Variants in DMGDH observed in about 807,000 individuals in gnomAD.
DMGDH encodes dimethylglycine dehydrogenase, also known as dimethylglycine dehydrogenase, mitochondrial.
In DMGDH, 76 loss-of-function variants were observed where a neutral mutation model predicts 95.2. The observed-to-expected ratio is 0.80, with a 90% CI of 0.66 to 0.97. DMGDH has a LOEUF of 0.97. Ranked by LOEUF, DMGDH falls within the 50% of genes least tolerant of loss-of-function variation. The probability of loss-of-function intolerance (pLI) is 0.00; values close to 1 mark genes in which losing one functional copy is unlikely to be tolerated. For synonymous variants in DMGDH, 345 were observed against 377.6 expected (o/e 0.91, Z 1.00); for missense variants, 987 against 1,055.0 (o/e 0.94, Z 0.89).
intron 7 of DMGDH, among the ~76,000 whole-genome samples, chr5:79,039,966 T>C (rs531766054): frequency 6.1e-4 from 88 of 143,462 alleles, no homozygotes; most frequent in African/African-American, 2.1e-3. Flanking sequence ...CATTTTGTCC[T>C]ATGTATCTCT....
chr5:79,012,203 C>T (rs1386874638), intron 14 of DMGDH, among the ~76,000 whole-genome samples: 1 of 152,096 alleles, frequency 6.6e-6, no homozygotes, highest in African/African-American at 2.4e-5. Context: ...AAACATCAGC[C>T]AAAAGAAAGG....
At chr5:79,051,735 AC>A (rs1754870631) in intron 4 of DMGDH, among the ~76,000 whole-genome samples, 2 of 152,184 alleles carry the variant, frequency 1.3e-5, no homozygotes, top group African/African-American at 2.4e-5. Flanking sequence ...ACATTTGAAG[AC>A]AAATCTAATT....
At chr5:79,062,505 G>A (rs1427363826) in intron 2 of DMGDH, among the ~76,000 whole-genome samples, 2 of 151,386 alleles carry the variant, frequency 1.3e-5, no homozygotes, top group Admixed American at 6.6e-5. Flanking sequence ...AGGGGCTAAC[G>A]CTGCCCAAAA....
intron 12 of DMGDH, among the ~76,000 whole-genome samples, chr5:79,027,051 G>C (rs1165175116): frequency 6.6e-6 from 1 of 152,158 alleles, no homozygotes; most frequent in Non-Finnish European, 1.5e-5. Context: ...TAGTGAGAAA[G>C]CCATAGTCTC....
At chr5:79,047,588 C>T (rs1580217764) in intron 5 of DMGDH, among the ~76,000 whole-genome samples, 1 of 152,072 alleles carries the variant, frequency 6.6e-6, no homozygotes, top group African/African-American at 2.4e-5. Context: ...ATCATAATAA[C>T]TAGTACCTGC....
At chr5:79,003,643 T>C (rs938553173) in intron 15 of DMGDH, among the ~76,000 whole-genome samples, 3 of 152,136 alleles carry the variant, frequency 2.0e-5, no homozygotes, top group African/African-American at 7.2e-5. Context: ...TGCACAAGAA[T>C]GTGGGCATAG....
intron 10 of DMGDH, 161 bp downstream of exon 10, chr5:79,030,668 AAAAG>A: frequency 1.4e-6 from 1 of 713,658 alleles, no homozygotes; most frequent in Non-Finnish European, 2.2e-6. Context: ...AAAAAAAAAG[AAAAG>A]AAAAAAAGAA....
At chr5:79,006,619 C>T (rs1466958405) in intron 14 of DMGDH, among the ~76,000 whole-genome samples, 1 of 152,154 alleles carries the variant, frequency 6.6e-6, no homozygotes, top group Non-Finnish European at 1.5e-5. Flanking sequence ...CCAAACAGTT[C>T]CCACAGACAG....
At chr5:79,032,650 C>T (rs756216292) in intron 9 of DMGDH, 37 bp downstream of exon 9, 29 of 1,613,734 alleles carry the variant, frequency 1.8e-5, no homozygotes, top group South Asian at 1.1e-4. Context: ...TTTCACCCCT[C>T]GGTCAGAACC....
intron 7 of DMGDH, among the ~76,000 whole-genome samples, chr5:79,037,836 G>A (rs903961392): frequency 3.3e-5 from 5 of 152,106 alleles, no homozygotes; most frequent in Non-Finnish European, 5.9e-5. Flanking sequence ...ATATCAAAGA[G>A]AATAAAATAC....
chr5:79,017,818 A>G (rs891752951), intron 14 of DMGDH, among the ~76,000 whole-genome samples: 1 of 152,170 alleles, frequency 6.6e-6, no homozygotes, highest in Non-Finnish European at 1.5e-5. Flanking sequence ...GCAGGATGCA[A>G]AACCCAACTT....
intron 7 of DMGDH, among the ~76,000 whole-genome samples, chr5:79,038,343 G>T (rs1196998648): frequency 1.3e-5 from 2 of 152,064 alleles, no homozygotes; most frequent in Non-Finnish European, 2.9e-5. Context: ...AATTATCCAG[G>T]TATGGTGGAG....
intron 14 of DMGDH, among the ~76,000 whole-genome samples, chr5:79,008,395 T>C (rs530775682): frequency 4.6e-5 from 7 of 152,228 alleles, no homozygotes; most frequent in Non-Finnish European, 7.3e-5. Context: ...ATACTGGATT[T>C]GGAGTCCAAG....
At chr5:79,006,052 CTT>C (rs35854183) in intron 14 of DMGDH, among the ~76,000 whole-genome samples, 3 of 142,776 alleles carry the variant, frequency 2.1e-5, no homozygotes, top group African/African-American at 2.6e-5. Flanking sequence ...GCTTTTCAAC[CTT>C]TTTTTTTTTT....
At chr5:79,064,808 G>A (rs1580235563) in intron 1 of DMGDH, among the ~76,000 whole-genome samples, 1 of 151,974 alleles carries the variant, frequency 6.6e-6, no homozygotes, top group Middle Eastern at 3.4e-3. Context: ...AGAGTACAGT[G>A]GCTTGATCTT....
Position 79,024,294 on chromosome 5 carries a change from C to A in DMGDH, c.2227G>T (p.Glu743Ter), listed in dbSNP as rs752187238. The A allele has an allele frequency of 1.9e-6, 3 of 1,613,466 alleles. No individual in the cohort carries two copies. Among genetic ancestry groups the A allele is most frequent in the African/African-American group, 1.3e-5 (1 of 74,906 alleles). ...CDTNPLEAGL[E>*]YFVKLNKPAD... The stretch of plus-strand genomic sequence containing the variant: ...ACCTTATTTAACTTCACAAAATATT[C>A]CAGTCCAGCTTCCAAAGGATTTGTA... Residue 743 changes from glutamate (E) to a stop codon, truncating the protein, a stop_gained, in exon 14 of 16, where the codon GAA becomes TAA. Coordinates refer to ENST00000255189, the MANE Select transcript of DMGDH (RefSeq NM_013391.3). LOFTEE classifies it high-confidence loss of function.
rs1436292777 is a variant in DMGDH, at chr5:79,044,359, T to A, written c.939A>T (p.Glu313Asp). ...CCTGAACTTTCATTTTCTCTTGACT[T>A]TCATATGGACCAAACAAAAGCCCAT... ...ERDGLLFGPYESQEKMKVQDS... is the reference protein window; with the variant it reads ...ERDGLLFGPYDSQEKMKVQDS... The change falls in exon 6 of 16, where the codon GAA (glutamate) becomes GAT (aspartate). Residue 313 changes from glutamate to aspartate, a missense_variant. Physicochemically the swap from Glu to Asp is conservative, Grantham distance 45. Coordinates refer to ENST00000255189, the MANE Select transcript of DMGDH (RefSeq NM_013391.3). 1.9e-6 allele frequency: 3 copies of A among 1,614,032 alleles called. No homozygotes were observed. The highest frequency in any genetic ancestry group is 2.5e-6 in the Non-Finnish European group (3 of 1,180,018).
intron 11 of DMGDH, among the ~76,000 whole-genome samples, chr5:79,028,976 C>A (rs3797539): frequency 0.33 from 49,690 of 152,030 alleles, 8,799 homozygotes; most frequent in African/African-American, 0.47. Context: ...TTCAGCCTTG[C>A]AAAATTAATT....
intron 14 of DMGDH, among the ~76,000 whole-genome samples, chr5:79,012,376 G>A (rs962473604): frequency 4.6e-5 from 7 of 152,194 alleles, no homozygotes; most frequent in South Asian, 2.1e-4. Flanking sequence ...TTCAGCCACC[G>A]TAACTGCTCT....
Sources: allele counts gnomAD v4.1 joint callset (sites outside exome capture counted in the v4.1 genomes callset), GRCh38; gene constraint gnomAD v4.1.1; transcripts MANE v1.5; gene names NCBI Gene and HGNC (gene_info 2026-07-23, HGNC 2026-07-21).